The following SCNN1D variants were observed in gnomAD, a reference collection of about 807,000 sequenced individuals.
The protein encoded by SCNN1D is sodium channel epithelial 1 subunit delta.
In SCNN1D, 104 loss-of-function variants were observed where a neutral mutation model predicts 87.8. The observed-to-expected ratio is 1.18, with a 90% CI of 1.01 to 1.39. The LOEUF is 1.39. SCNN1D is among the 40% of genes most tolerant of loss of function. The pLI is 0.00. For synonymous variants in SCNN1D, 628 were observed against 481.2 expected (o/e 1.31, Z -3.99); for missense variants, 1,324 against 1,093.9 (o/e 1.21, Z -2.97).
chr1:1,286,287 C>G lies in SCNN1D; in HGVS notation c.911+9C>G, dbSNP rs764247072. On this transcript the variant is annotated intron_variant, in intron 7 of 17. Transcript: ENST00000379116. ...GACGGGAACCCACGTCGGTGAGGGCCAGGGCTGTCGGCGGGAGGGGTGGCC... is the reference window on the plus strand; with the variant it reads ...GACGGGAACCCACGTCGGTGAGGGCGAGGGCTGTCGGCGGGAGGGGTGGCC... 2 of 1,560,904 alleles carry G rather than the reference C, an allele frequency of 1.3e-6. No individual in the cohort carries two copies. The highest frequency in any genetic ancestry group is 1.4e-5 in the African/African-American group (1 of 74,052).
rs1436673516 is a variant in SCNN1D, at chr1:1,287,757, G to T, written c.1484G>T (p.Gly495Val). ...GCCGGCATCAGGGTCATGGTTCACG[G>T]CCGTAACCACACGCCCTTCCTGGGG... ...TLAGIRVMVH[G>V]RNHTPFLGHH... The change falls in exon 11 of 18, where the codon GGC becomes GTC. Residue 495 changes from glycine (G) to valine (V), a missense_variant. Physicochemically the swap from Gly to Val is moderately radical, Grantham distance 109. Coordinates refer to ENST00000379116, the MANE Select transcript of SCNN1D (RefSeq NM_001130413.4). The T allele has an allele frequency of 6.2e-7, 1 of 1,603,636 alleles. No homozygotes were observed. The highest frequency in any genetic ancestry group is 1.3e-5 in the African/African-American group (1 of 74,832).
rs1452336005 is a variant in SCNN1D, at chr1:1,288,027, A to ACAC, written c.1655_1657dup (p.Thr552dup). ...GTGGAGCTGCTACACAACACCTCCTACACCAGGCAGGTGAGGCTGGGCTGG... is the reference window on the plus strand; with the variant it reads ...GTGGAGCTGCTACACAACACCTCCTACACCACCAGGCAGGTGAGGCTGGGCTGG... On this transcript the variant is annotated inframe_insertion, in exon 12 of 18. Coordinates refer to ENST00000379116, the MANE Select transcript of SCNN1D (RefSeq NM_001130413.4). 4.7e-6 allele frequency: 7 copies of ACAC among 1,486,376 alleles called. No individual in the cohort carries two copies. Among genetic ancestry groups the ACAC allele is most frequent in the Non-Finnish European group, 5.4e-6 (6 of 1,109,470 alleles). The allele number at this position is 1,486,376 out of a possible 1,614,324, so 92.1% of individuals were successfully genotyped here.
At chr1:1,291,013 TCCC>T in intron 16 of SCNN1D, 49 bp from the exon 17 acceptor site, 1 of 1,171,106 alleles carries the variant, frequency 8.5e-7, no homozygotes, top group Admixed American at 2.0e-5. Flanking sequence ...AAAGCCCCCC[TCCC>T]CATCATGAAG....
chr1:1,291,545 C>G lies in SCNN1D; in HGVS notation c.2344C>G (p.Leu782Val). The G allele has an allele frequency of 6.3e-7, 1 of 1,595,756 alleles. No individual in the cohort carries two copies. Among genetic ancestry groups the G allele is most frequent in the Non-Finnish European group, 8.6e-7 (1 of 1,168,272 alleles). Reference protein sequence around the residue: ...HLPRVMLPGVLAGVSAEESWA... With the variant: ...HLPRVMLPGVVAGVSAEESWA... ...CCCACGGGTGATGCTTCCAGGGGTT[C>G]TGGCGGGAGTCTCAGCCGAAGAGAG... Residue 782 changes from leucine (L) to valine (V), a missense_variant, in exon 18 of 18, where the codon CTG (leucine) becomes GTG (valine). By Grantham distance (32) the Leu-to-Val change is conservative. Transcript: ENST00000379116.
chr1:1,280,671 GT>G lies in SCNN1D; in HGVS notation c.5+6del, dbSNP rs748141499. 1 of 701,694 alleles carries G rather than the reference GT, an allele frequency of 1.4e-6. No homozygotes were observed. Among genetic ancestry groups the G allele is most frequent in the East Asian group, 2.7e-5 (1 of 37,266 alleles). The allele number at this position is 701,694 out of a possible 1,614,324, so 43.5% of individuals were successfully genotyped here. On this transcript the variant is annotated splice_donor_region_variant and intron_variant, in intron 1 of 17. Transcript: ENST00000379116. ...CCAGCAGGGAGGAGGCATGAGGTGC[GT>G]CCGACTCCCTTCCCATCACAGCTGA...
chr1:1,291,508 C>T lies in SCNN1D; in HGVS notation c.2307C>T (p.Ser769=), dbSNP rs781338058. 1.2e-5 allele frequency: 19 copies of T among 1,608,474 alleles called. No homozygotes were observed. The highest frequency in any genetic ancestry group is 6.6e-5 in the South Asian group (6 of 90,936). Residue 769 remains serine, a synonymous_variant, in exon 18 of 18, where the codon AGC becomes AGT. Coordinates refer to ENST00000379116, the MANE Select transcript of SCNN1D (RefSeq NM_001130413.4). ...AGGTSDDPEP[S]GPHLPRVMLP... ...GCACGTCAGATGACCCGGAGCCCAG[C>T]GGGCCTCATCTCCCACGGGTGATGC...
rs1640463017 is a variant in SCNN1D at position 1,281,231 on chromosome 1, T to G, written c.11T>G (p.Val4Gly). Residue 4 changes from valine to glycine, a missense_variant, in exon 2 of 18, where the codon GTG (valine) becomes GGG (glycine). Transcript: ENST00000379116. ...CAGGCGCCTGCCATCTCCAGGGCAG[T>G]GCTGTCACAGAAGACAACACCGCTC... The part of the protein sequence containing the change: MRA[V>G]LSQKTTPLPR... 1 of 1,535,242 alleles carries G rather than the reference T, an allele frequency of 6.5e-7. No individual in the cohort carries two copies. The highest frequency in any genetic ancestry group is 1.4e-5 in the African/African-American group (1 of 72,992).
At chr1:1,285,688 C>G (rs776801711) in intron 6 of SCNN1D, 24 bp downstream of exon 6, 1 of 1,486,270 alleles carries the variant, frequency 6.7e-7, no homozygotes, top group Non-Finnish European at 9.0e-7. Flanking sequence ...ACCCTGTTCT[C>G]TGAGTCCTGC....
Position 1,287,529 on chromosome 1 carries a change from C to A in SCNN1D, c.1332C>A (p.His444Gln). Residue 444 changes from histidine (H) to glutamine (Q), a missense_variant, in exon 10 of 18, where the codon CAC becomes CAA. Transcript: ENST00000379116. ...CQARQFRTFH[H>Q]PTYGSCYTVD... is the part of the protein sequence containing the mutation. ...CCAGACAGTTCCGGACCTTCCACCA[C>A]CCCACCTACGGCAGCTGCTACACGG... 6.5e-7 allele frequency: 1 copy of A among 1,529,272 alleles called. No individual in the cohort carries two copies. The highest frequency in any genetic ancestry group is 8.8e-7 in the Non-Finnish European group (1 of 1,136,364). The allele number at this position is 1,529,272 out of a possible 1,614,324, so 94.7% of individuals were successfully genotyped here.
In SCNN1D at chr1:1,281,888, C is replaced by T. The variant is rs1328559941; in HGVS notation, c.277+278C>T. ...CACCAAGGCTGGGCTGTCTGCCAGG[C>T]CACTCCCGGGGACACAGGGAGGCAC... On this transcript the variant is annotated intron_variant, in intron 3 of 17. Coordinates refer to ENST00000379116, the MANE Select transcript of SCNN1D (RefSeq NM_001130413.4). 8.8e-6 allele frequency: 5 copies of T among 567,764 alleles called. No homozygotes were observed. In the Admixed American group the frequency reaches 1.7e-4, roughly 19 times the overall value. 35.2% of individuals were successfully genotyped at this position (567,764 alleles called of 1,614,324 possible). A position where few individuals can be genotyped will look rare whatever the true frequency, so the allele number is the denominator to read the frequency against.
intron 4 of SCNN1D, among the ~76,000 whole-genome samples, chr1:1,283,443 A>T (rs1640510226): frequency 6.6e-6 from 1 of 151,978 alleles, no homozygotes; most frequent in Non-Finnish European, 1.5e-5. Context: ...TCACGCCTGT[A>T]ATCCTAGCAC....
chr1:1,286,152 C>T lies in SCNN1D; in HGVS notation c.785C>T (p.Ala262Val), dbSNP rs572587953. ...WGLLSLGALV[A>V]LCWQLGLLFE... is the part of the protein sequence containing the mutation. ...CTGCTGTCCCTGGGAGCCCTGGTCG[C>T]GCTCTGCTGGCAGCTGGGGCTCCTC... Residue 262 changes from alanine to valine, a missense_variant, in exon 7 of 18, where the codon GCG becomes GTG. Transcript: ENST00000379116. 22 of 1,608,934 alleles carry T rather than the reference C, an allele frequency of 1.4e-5. No homozygotes were observed. Among genetic ancestry groups the T allele is most frequent in the Middle Eastern group, 1.7e-4 (1 of 6,060 alleles).
At chr1:1,290,760 C>T (rs1640782135) in intron 15 of SCNN1D, 66 bp downstream of exon 15, 1 of 1,595,584 alleles carries the variant, frequency 6.3e-7, no homozygotes. Context: ...TCCCACAGAG[C>T]CCACCCAAGA....
intron 16 of SCNN1D, 33 bp from the exon 17 acceptor site, chr1:1,291,032 G>C (rs376575734): frequency 8.6e-5 from 138 of 1,606,286 alleles, no homozygotes; most frequent in Non-Finnish European, 1.1e-4. Flanking sequence ...TGAAGGTCTG[G>C]GCCAGCGCCC....
rs372989955 is a variant in SCNN1D, at chr1:1,287,812, G to C, written c.1539G>C (p.Thr513=). The C allele has an allele frequency of 1.1e-5, 17 of 1,568,876 alleles. No individual in the cohort carries two copies. In the African/African-American group the frequency reaches 2.3e-4, roughly 21 times the overall value. Residue 513 remains threonine (T), a synonymous_variant, in exon 11 of 18, where the codon ACG becomes ACC. Coordinates refer to ENST00000379116, the MANE Select transcript of SCNN1D (RefSeq NM_001130413.4). ...ACAGCTTCAGCGTCCGGCCAGGGAC[G>C]GAGGCCACCATCAGCATCCGAGAGG... ...GHHSFSVRPG[T]EATISIREDE...
In SCNN1D at chr1:1,290,484, C is replaced by G; in HGVS notation, c.1788C>G (p.Cys596Trp). The G allele has an allele frequency of 1.9e-6, 3 of 1,612,696 alleles. No individual in the cohort carries two copies. The highest frequency in any genetic ancestry group is 2.5e-6 in the Non-Finnish European group (3 of 1,179,918). The stretch of plus-strand genomic sequence containing the variant: ...CTCTGACCCCTCCCCAAGGACACTG[C>G]TTCTACCGCCTCTACCAGGACCTGG... ...SSARHPAWGHCFYRLYQDLET... is the reference protein window; with the variant it reads ...SSARHPAWGHWFYRLYQDLET... Residue 596 changes from cysteine to tryptophan, a missense_variant, in exon 14 of 18, where the codon TGC (cysteine) becomes TGG (tryptophan). Physicochemically the swap from Cys to Trp is radical, Grantham distance 215. Transcript: ENST00000379116.
In SCNN1D at chr1:1,285,647, G is replaced by A. The variant is rs1341183361; in HGVS notation, c.541G>A (p.Ala181Thr). ...GCACAGACCCACTCAGCACAACGCTGCCTGCAAACAGGGCCAGGTAGGGCC... is the reference window on the plus strand; with the variant it reads ...GCACAGACCCACTCAGCACAACGCTACCTGCAAACAGGGCCAGGTAGGGCC... ...WQHRPTQHNA[A>T]CKQGQAAAQT... The change falls in exon 6 of 18, where the codon GCC (alanine) becomes ACC (threonine). Residue 181 changes from alanine to threonine, a missense_variant. Physicochemically the swap from Ala to Thr is moderately conservative, Grantham distance 58 (BLOSUM62 0). Coordinates refer to ENST00000379116, the MANE Select transcript of SCNN1D (RefSeq NM_001130413.4). The A allele has an allele frequency of 6.5e-7, 1 of 1,546,010 alleles. No homozygotes were observed.
At chr1:1,284,376 G>A (rs1306000306) in intron 5 of SCNN1D, among the ~76,000 whole-genome samples, 2 of 148,396 alleles carry the variant, frequency 1.3e-5, no homozygotes, top group African/African-American at 5.0e-5. Context: ...GGGCTGGGTT[G>A]GGGGGTCTCT....
At chr1:1,290,445 AG>A in intron 13 of SCNN1D, 31 bp from the exon 14 acceptor site, 1 of 1,611,990 alleles carries the variant, frequency 6.2e-7, no homozygotes, top group East Asian at 2.2e-5. Flanking sequence ...GGTCACAGCG[AG>A]CCTCACACAT....
Sources: allele counts gnomAD v4.1 joint callset (sites outside exome capture counted in the v4.1 genomes callset), GRCh38; gene constraint gnomAD v4.1.1; transcripts MANE v1.5; gene names NCBI Gene and HGNC (gene_info 2026-07-23, HGNC 2026-07-21).